The following ABL2 variants were observed in gnomAD, a reference collection of about 807,000 sequenced individuals.
ABL2 encodes the protein tyrosine-protein kinase ABL2.
In ABL2, 49 loss-of-function variants were observed where a neutral mutation model predicts 107.7. That is an observed-to-expected ratio of 0.45 (90% CI 0.36 to 0.58). The LOEUF is 0.58. ABL2 is among the 20% of genes least tolerant of loss of function. The pLI, the probability that ABL2 is intolerant of heterozygous loss-of-function variation, is 0.00. For synonymous variants in ABL2, 549 were observed against 548.6 expected, an observed-to-expected ratio of 1.00 and a Z score of -0.01; for missense variants, 1,245 against 1,457.0, an observed-to-expected ratio of 0.85 and a Z score of 2.37.
intron 1 of ABL2, among the ~76,000 whole-genome samples, chr1:179,147,620 A>G (rs1386218908): frequency 6.6e-6 from 1 of 152,244 alleles, no homozygotes; most frequent in Non-Finnish European, 1.5e-5. Context: ...AAAAACAGAA[A>G]GCCAAAAACC....
intron 4 of ABL2, 60 bp from the exon 5 acceptor site, chr1:179,121,927 T>C (rs1485305951): frequency 7.2e-7 from 1 of 1,381,218 alleles, no homozygotes; most frequent in Non-Finnish European, 9.5e-7. Context: ...TTTTTTTTTT[T>C]TTTTTTTTTT....
chr1:179,225,703 A>G (rs918030937), intron 1 of ABL2, among the ~76,000 whole-genome samples: 6 of 152,108 alleles, frequency 3.9e-5, no homozygotes, highest in Non-Finnish European at 8.8e-5. Flanking sequence ...GCCCCCCAAA[A>G]CACAGAATTA....
At chr1:179,224,840 C>T (rs1168624081) in intron 1 of ABL2, among the ~76,000 whole-genome samples, 10 of 148,264 alleles carry the variant, frequency 6.7e-5, no homozygotes, top group African/African-American at 2.5e-4. Context: ...CATAGTGAGA[C>T]CTCCGTCTCT....
rs1393610273 is a variant in ABL2 at position 179,112,220 on chromosome 1, T to G, written c.1651+89A>C. 4 of 1,159,178 alleles carry G rather than the reference T, an allele frequency of 3.5e-6. No homozygotes were observed. The African/African-American group carries it at 6.2e-5, about 18-fold the overall frequency. 71.8% of individuals were successfully genotyped at this position (1,159,178 alleles called of 1,614,324 possible). On this transcript the variant is annotated intron_variant, in intron 10 of 11. Coordinates refer to ENST00000502732, the MANE Select transcript of ABL2 (RefSeq NM_007314.4). ...AACAGAGTCTCAAACTCCACAAAAGTTGATCATTTTTGAAATGTAATTACC... is the reference window on the plus strand; with the variant it reads ...AACAGAGTCTCAAACTCCACAAAAGGTGATCATTTTTGAAATGTAATTACC...
At chr1:179,117,630 T>C (rs187017479) in intron 7 of ABL2, 114 bp from the exon 8 acceptor site, 1,324 of 966,444 alleles carry the variant, frequency 1.4e-3, no homozygotes, top group Non-Finnish European at 1.8e-3. Flanking sequence ...CTGACAAATA[T>C]GGTAGTATCT....
intron 1 of ABL2, among the ~76,000 whole-genome samples, chr1:179,195,270 A>C (rs1164145963): frequency 6.6e-6 from 1 of 152,166 alleles, no homozygotes; most frequent in Non-Finnish European, 1.5e-5. Context: ...CCTGGGCAAC[A>C]CAGTAAAACT....
intron 1 of ABL2, among the ~76,000 whole-genome samples, chr1:179,215,436 C>T (rs1662508700): frequency 6.6e-6 from 1 of 152,052 alleles, no homozygotes; most frequent in South Asian, 2.1e-4. Context: ...TATTTTTATG[C>T]AACTGAAAAA....
At chr1:179,138,180 T>G (rs1162361499) in intron 1 of ABL2, among the ~76,000 whole-genome samples, 1 of 152,210 alleles carries the variant, frequency 6.6e-6, no homozygotes, top group Non-Finnish European at 1.5e-5. Flanking sequence ...TTACTTTGAT[T>G]ACAGCTCCAG....
chr1:179,147,137 A>T (rs1325942057), intron 1 of ABL2, among the ~76,000 whole-genome samples: 1 of 150,110 alleles, frequency 6.7e-6, no homozygotes. Context: ...GGTGGCTAAC[A>T]AACATATGAA....
At chr1:179,177,907 T>C (rs1000599099) in intron 1 of ABL2, among the ~76,000 whole-genome samples, 1 of 152,190 alleles carries the variant, frequency 6.6e-6, no homozygotes. Context: ...ATACCCACAA[T>C]ACGGGATCCA....
At chr1:179,122,937 G>A (rs1480845127) in intron 4 of ABL2, among the ~76,000 whole-genome samples, 2 of 152,098 alleles carry the variant, frequency 1.3e-5, no homozygotes, top group Admixed American at 6.6e-5. Context: ...TGGGATTACA[G>A]GTGTGAACTA....
Position 179,126,677 on chromosome 1 carries a change from C to A in ABL2, c.392-5G>T. 5.0e-6 allele frequency: 8 copies of A among 1,607,998 alleles called. No homozygotes were observed. The highest frequency in any genetic ancestry group is 6.8e-6 in the Non-Finnish European group (8 of 1,175,436). ...CAAGGACTCGTAGCTTTTCACCTAG[C>A]CATAAGGTCATCACAGGATGAAAGA... On this transcript the variant is annotated splice_polypyrimidine_tract_variant and splice_region_variant and intron_variant, in intron 3 of 11. Transcript: ENST00000502732. The surrounding 1 kb of genome is among the most constrained non-coding windows in gnomAD (Gnocchi z 4.4).
At chr1:179,201,568 C>T (rs1661668488) in intron 1 of ABL2, 4 of 367,330 alleles carry the variant, frequency 1.1e-5, no homozygotes, top group East Asian at 6.7e-5. Context: ...TCTGGCATGC[C>T]TAAGGCATTT....
chr1:179,117,421 G>A lies in ABL2; in HGVS notation c.1319C>T (p.Thr440Ile), dbSNP rs1179039538. 8 of 1,614,084 alleles carry A rather than the reference G, an allele frequency of 5.0e-6. No individual in the cohort carries two copies. The highest frequency in any genetic ancestry group is 6.8e-6 in the Non-Finnish European group (8 of 1,180,036). The stretch of plus-strand genomic sequence containing the variant: ...AGGAAATTTGGCTCCAGCATGAGCA[G>A]TATAAGTGTCTCCAGTCATCAATCT... ...LSRLMTGDTY[T>I]AHAGAKFPIK... The change falls in exon 8 of 12, where the codon ACT becomes ATT. Residue 440 changes from threonine (T) to isoleucine (I), a missense_variant. Around this residue, in one of 3 missense-constraint regions of ABL2, gnomAD observed 320 missense variants for 547.0 expected, o/e 0.59. Coordinates refer to ENST00000502732, the MANE Select transcript of ABL2 (RefSeq NM_007314.4).
chr1:179,109,648 G>A (rs1653844395), intron 11 of ABL2, among the ~76,000 whole-genome samples: 2 of 152,060 alleles, frequency 1.3e-5, no homozygotes, highest in African/African-American at 4.8e-5. Flanking sequence ...AAGATAGGGG[G>A]CCGGGCACGG....
chr1:179,219,333 C>T (rs1429303312), intron 1 of ABL2, among the ~76,000 whole-genome samples: 2 of 152,060 alleles, frequency 1.3e-5, no homozygotes, highest in Non-Finnish European at 2.9e-5. Context: ...CGTGAGCTAC[C>T]ATGCCTGGCC....
At chr1:179,141,661 C>T (rs938737497) in intron 1 of ABL2, among the ~76,000 whole-genome samples, 2 of 152,180 alleles carry the variant, frequency 1.3e-5, no homozygotes, top group Non-Finnish European at 2.9e-5. Flanking sequence ...GTTTTACGGT[C>T]TTTTTGGTTG....
intron 4 of ABL2, among the ~76,000 whole-genome samples, chr1:179,124,712 C>A (rs1304958358): frequency 6.6e-6 from 1 of 152,078 alleles, no homozygotes; most frequent in Admixed American, 6.6e-5. Context: ...ATGAGGCCCA[C>A]CTCGGCCTCC....
At chr1:179,198,858 TAAAGA>T (rs1661492140) in intron 1 of ABL2, among the ~76,000 whole-genome samples, 1 of 144,844 alleles carries the variant, frequency 6.9e-6, no homozygotes. Flanking sequence ...TTTTTTTTTT[TAAAGA>T]TGGAGTCTTG....
Sources: allele counts gnomAD v4.1 joint callset (sites outside exome capture counted in the v4.1 genomes callset), GRCh38; gene constraint gnomAD v4.1.1; regional missense constraint gnomAD v4.1.1; non-coding constraint Gnocchi (gnomAD v3.1); transcripts MANE v1.5; gene names NCBI Gene and HGNC (gene_info 2026-07-23, HGNC 2026-07-21).